Variants in XKRX observed in about 807,000 individuals in gnomAD.
XKRX encodes XK related X-linked, also known as XK-related protein 2.
Under a neutral mutation model 22.4 loss-of-function variants are expected in XKRX, and 11 were observed. The observed-to-expected ratio is 0.49, with a 90% CI of 0.31 to 0.81. XKRX has a LOEUF of 0.81. XKRX is among the 40% of genes least tolerant of loss of function. The probability of loss-of-function intolerance (pLI) is 0.05; values close to 1 mark genes in which losing one functional copy is unlikely to be tolerated. For missense variants in XKRX, 320 were observed against 336.5 expected, an observed-to-expected ratio of 0.95 and a Z score of 0.38; for synonymous variants, 114 against 132.2, an observed-to-expected ratio of 0.86 and a Z score of 0.94.
At chrX:100,944,512 G>A in the XKRX span, among the ~76,000 whole-genome samples, 1 of 111,090 alleles carries the variant, frequency 9.0e-6, no homozygotes, top group Non-Finnish European at 1.9e-5. Context: ...ACAGACGCCC[G>A]CCACCACACC....
At chrX:100,938,143 G>C in the XKRX span, among the ~76,000 whole-genome samples, 2 of 112,193 alleles carry the variant, frequency 1.8e-5, no homozygotes, top group Non-Finnish European at 3.8e-5. Flanking sequence ...GAGCAGCAGA[G>C]AAAGTAGGGA....
chrX:100,954,145 G>A, the XKRX span, among the ~76,000 whole-genome samples: 3 of 110,968 alleles, frequency 2.7e-5, no homozygotes, highest in Admixed American at 9.6e-5. Flanking sequence ...ACAGCCGGGC[G>A]CAGTGGCTCA....
chrX:100,933,116 G>A (rs111492188), upstream of XKRX, among the ~76,000 whole-genome samples: 16 of 108,763 alleles, frequency 1.5e-4, no homozygotes, highest in African/African-American at 5.4e-4. Context: ...GCTGCAGTGA[G>A]TTGTGACTGT....
At chrX:100,938,394 T>C in the XKRX span, among the ~76,000 whole-genome samples, 2 of 111,568 alleles carry the variant, frequency 1.8e-5, no homozygotes, top group Admixed American at 1.9e-4. Flanking sequence ...TTTGGGAGGC[T>C]GAGGCGGGCG....
the XKRX span, among the ~76,000 whole-genome samples, chrX:100,953,833 C>G: frequency 2.0e-5 from 2 of 102,403 alleles, no homozygotes; most frequent in Non-Finnish European, 3.9e-5. Context: ...CACTTGAACC[C>G]GGGAGGTGGA....
chrX:100,914,759 A>T lies in XKRX; in HGVS notation c.929T>A (p.Val310Glu). The T allele has an allele frequency of 8.3e-7, 1 of 1,211,772 alleles. No homozygotes were observed. The highest frequency in any genetic ancestry group is 1.1e-6 in the Non-Finnish European group (1 of 895,578). ...EKNFSRVGTL[V>E]VLISVTILYA... Reference sequence around the variant, plus strand: ...GAGGATGGTGACTGAAATCAGGACCACCAGAGTGCCGACCCGGCTGAAGTT... The same window carrying T: ...GAGGATGGTGACTGAAATCAGGACCTCCAGAGTGCCGACCCGGCTGAAGTT... Residue 310 changes from valine (V) to glutamate (E), a missense_variant, in exon 3 of 3, where the codon GTG becomes GAG. Transcript: ENST00000372956.
chrX:100,919,348 G>C (rs2085460649), intron 2 of XKRX, among the ~76,000 whole-genome samples: 1 of 111,549 alleles, frequency 9.0e-6, no homozygotes, highest in African/African-American at 3.2e-5. Flanking sequence ...TAAAGAATTT[G>C]AATACATAAA....
the XKRX span, among the ~76,000 whole-genome samples, chrX:100,949,057 C>G: frequency 2.7e-5 from 3 of 112,821 alleles, no homozygotes; most frequent in Non-Finnish European, 5.6e-5. Flanking sequence ...TATTCTGCTT[C>G]TCTCTAATCC....
intron 2 of XKRX, among the ~76,000 whole-genome samples, chrX:100,919,638 AAC>A (rs1390045917): frequency 8.9e-6 from 1 of 112,027 alleles, no homozygotes; most frequent in Admixed American, 9.5e-5. Flanking sequence ...ACAATGACCA[AAC>A]ACAAAAAGAT....
At chrX:100,937,587 T>A in the XKRX span, among the ~76,000 whole-genome samples, 1 of 111,825 alleles carries the variant, frequency 8.9e-6, no homozygotes, top group African/African-American at 3.2e-5. Flanking sequence ...AGTCTACTCC[T>A]AGTACAGTTT....
At chrX:100,904,779 A>T in the XKRX span, among the ~76,000 whole-genome samples, 250 of 112,119 alleles carry the variant, frequency 2.2e-3, 1 homozygote, top group Non-Finnish European at 4.1e-3. Flanking sequence ...GAGAAGAGCA[A>T]GTTGGAAAAT....
At chrX:100,898,345 G>A in the XKRX span, among the ~76,000 whole-genome samples, 1 of 109,132 alleles carries the variant, frequency 9.2e-6, no homozygotes, top group East Asian at 2.9e-4. Context: ...TGTGTATTTT[G>A]ATCTGTCTGG....
At chrX:100,923,200 G>T in intron 1 of XKRX, 139 bp from the exon 2 acceptor site, 2 of 709,491 alleles carry the variant, frequency 2.8e-6, no homozygotes, top group Non-Finnish European at 4.1e-6. Flanking sequence ...CACCCTGGCT[G>T]GAGTGCAGTG....
chrX:100,918,868 A>G (rs2085458088), intron 2 of XKRX, among the ~76,000 whole-genome samples: 1 of 107,556 alleles, frequency 9.3e-6, no homozygotes, highest in African/African-American at 3.4e-5. Flanking sequence ...TCATCCCCCT[A>G]TTTCCAAAAG....
At chrX:100,913,383 T>TACACATAC, downstream of XKRX, 1 of 92,382 alleles carries the variant, frequency 1.1e-5, no homozygotes, top group East Asian at 3.6e-4. Context: ...CACATACACA[T>TACACATAC]ACACACACAC....
chrX:100,927,916 C>T (rs899133826), intron 1 of XKRX, 54 bp downstream of exon 1: 43 of 1,131,731 alleles, frequency 3.8e-5, no homozygotes, highest in African/African-American at 2.0e-4. Flanking sequence ...TCTTTCTCTG[C>T]CCAAGTCTGG....
At chrX:100,897,187 G>GA in the XKRX span, among the ~76,000 whole-genome samples, 27 of 111,348 alleles carry the variant, frequency 2.4e-4, no homozygotes, top group Non-Finnish European at 3.6e-4. Context: ...CAGGGTAAGA[G>GA]AAAAAAGACA....
chrX:100,925,654 G>A (rs1455380092), intron 1 of XKRX, among the ~76,000 whole-genome samples: 1 of 111,827 alleles, frequency 8.9e-6, no homozygotes, highest in Admixed American at 9.5e-5. Context: ...TCAATATATT[G>A]TATTTGAAAA....
chrX:100,925,494 T>C (rs903895816), intron 1 of XKRX, among the ~76,000 whole-genome samples: 5 of 111,904 alleles, frequency 4.5e-5, no homozygotes, highest in Admixed American at 9.5e-5. Context: ...CCCAATCATT[T>C]CTAGTGGAAG....
Sources: gnomAD v4.1 joint callset for allele counts (sites outside exome capture counted in the v4.1 genomes callset) on GRCh38, gnomAD v4.1.1 for gene constraint, MANE v1.5 for transcripts, NCBI Gene and HGNC (gene_info 2026-07-23, HGNC 2026-07-21) for gene names.